The following TIAM1 variants were observed in gnomAD, a reference collection of about 807,000 sequenced individuals.
The protein encoded by TIAM1 is TIAM Rac1 associated GEF 1.
A neutral mutation model predicts 163.5 loss-of-function variants in TIAM1; 65 were observed. The ratio of observed to expected loss-of-function variants is 0.40; its 90% CI spans 0.33 to 0.49. The LOEUF is 0.49. Ranked by LOEUF, TIAM1 falls within the 20% of genes least tolerant of loss-of-function variation. TIAM1 has a pLI of 0.77. For synonymous variants in TIAM1, 833 were observed against 810.1 expected, an observed-to-expected ratio of 1.03 and a Z score of -0.48; for missense variants, 1,789 against 2,044.7, an observed-to-expected ratio of 0.87 and a Z score of 2.41.
chr21:31,245,709 C>T lies in TIAM1; in HGVS notation c.1412-49G>A, dbSNP rs2071467016. On this transcript the variant is annotated intron_variant, in intron 5 of 27. Coordinates refer to ENST00000541036, the MANE Select transcript of TIAM1 (RefSeq NM_001353694.2). ...GCATGAGTATTCAGTGCTTGGGAAA[C>T]AAAAGAACCCACAGTTGAACCTAAC... is the stretch of plus-strand genomic sequence containing the variant. 4.4e-6 allele frequency: 6 copies of T among 1,351,248 alleles called. 1 individual carries two copies. The Admixed American group carries it at 1.8e-4, about 41-fold the overall frequency. The allele number at this position is 1,351,248 out of a possible 1,614,324, so 83.7% of individuals were successfully genotyped here.
chr21:31,298,708 G>A (rs985955133), intron 2 of TIAM1, among the ~76,000 whole-genome samples: 4 of 147,888 alleles, frequency 2.7e-5, no homozygotes, highest in African/African-American at 1.0e-4. Flanking sequence ...TACTCACCAA[G>A]CATGGATCAG....
intron 1 of TIAM1, among the ~76,000 whole-genome samples, chr21:31,558,451 C>T (rs554426981): frequency 6.4e-4 from 97 of 152,264 alleles, no homozygotes; most frequent in African/African-American, 2.3e-3. Flanking sequence ...CGCCGAAAAG[C>T]CAGGCCCGGA....
At chr21:31,197,879 C>G (rs2085959104) in intron 12 of TIAM1, among the ~76,000 whole-genome samples, 1 of 152,158 alleles carries the variant, frequency 6.6e-6, no homozygotes, top group South Asian at 2.1e-4. Context: ...CTCACTGGCT[C>G]TAGAGCCGCA....
At position 31,266,801 on chromosome 21, in the gene TIAM1, A is replaced by G; in HGVS notation, c.172T>C (p.Ser58Pro). 3 of 1,614,186 alleles carry G rather than the reference A, an allele frequency of 1.9e-6. No individual in the cohort carries two copies. Among genetic ancestry groups the G allele is most frequent in the Non-Finnish European group, 2.5e-6 (3 of 1,180,024 alleles). Residue 58 changes from serine to proline, a missense_variant, in exon 4 of 28, where the codon TCC becomes CCC. Physicochemically the swap from Ser to Pro is moderately conservative, Grantham distance 74. Transcript: ENST00000541036. ...IHRNSEVSTR[S>P]SSTPSIPQSL... ...TGGGGGATGCTGGGGGTGCTGCTGG[A>G]TCGGGTGCTCACTTCGGAGTTCCTG...
intron 1 of TIAM1, among the ~76,000 whole-genome samples, chr21:31,493,507 A>C (rs1439822153): frequency 6.6e-6 from 1 of 152,128 alleles, no homozygotes; most frequent in Non-Finnish European, 1.5e-5. Context: ...AAGCAAAGAC[A>C]AAAAAACAGA....
At chr21:31,187,226 A>G in intron 13 of TIAM1, 139 bp from the exon 14 acceptor site, 1 of 751,000 alleles carries the variant, frequency 1.3e-6, no homozygotes, top group Non-Finnish European at 2.2e-6. Flanking sequence ...CTTGTTTTAC[A>G]TAGCAGAAAA....
intron 2 of TIAM1, among the ~76,000 whole-genome samples, chr21:31,322,872 A>T (rs2075362479): frequency 6.6e-6 from 1 of 152,166 alleles, no homozygotes; most frequent in Admixed American, 6.5e-5. Context: ...GGCGGGGCCC[A>T]CTTCATGGTT....
Position 31,210,665 on chromosome 21 carries a change from GAAAAA to G in TIAM1, c.2218-455_2218-451del, listed in dbSNP as rs2086764069. On this transcript the variant is annotated intron_variant, in intron 10 of 27. Coordinates refer to ENST00000541036, the MANE Select transcript of TIAM1 (RefSeq NM_001353694.2). ...AGAAAGAAAGAAAGAAAGAAAGAAA[GAAAAA>G]GAAAGAAAGAAAGAAAAAGAAAGAA... is the stretch of plus-strand genomic sequence containing the variant. 3.7e-3 allele frequency among the ~76,000 whole-genome samples: 69 copies of G among 18,672 alleles called. 2 individuals are homozygous for G. Among genetic ancestry groups the G allele is most frequent in the African/African-American group, 0.013 (60 of 4,568 alleles). 12.2% of individuals were successfully genotyped at this position (18,672 alleles called of 152,430 possible). A position where few individuals can be genotyped will look rare whatever the true frequency, so the allele number is the denominator to read the frequency against.
chr21:31,388,212 AACACACACACACACACAC>A (rs11369323), intron 2 of TIAM1, among the ~76,000 whole-genome samples: 3 of 115,940 alleles, frequency 2.6e-5, no homozygotes, highest in South Asian at 3.0e-4. Flanking sequence ...AGAAGACCCT[AACACACACACACACACAC>A]ACACACACAC....
chr21:31,161,061 G>A, intron 16 of TIAM1, among the ~76,000 whole-genome samples: 1 of 151,824 alleles, frequency 6.6e-6, no homozygotes, highest in South Asian at 2.1e-4. Context: ...GTGTGTGTGT[G>A]TGTGTGTGTG....
rs1391890020 is a variant in TIAM1, at chr21:31,210,104, C to T, written c.2329G>A (p.Ala777Thr). Residue 777 changes from alanine to threonine, a missense_variant, in exon 11 of 28, where the codon GCC becomes ACC. Ala to Thr is a moderately conservative substitution (Grantham distance 58, BLOSUM62 0). Transcript: ENST00000541036. Reference sequence around the variant, plus strand: ...TCGCCTGGCCGGACGACCGTCAGGGCAGGCTGATTATTGGGCAGACAGAAC... The same window carrying T: ...TCGCCTGGCCGGACGACCGTCAGGGTAGGCTGATTATTGGGCAGACAGAAC... ...SWFCLPNNQP[A>T]LTVVRPGDTA... 2 of 1,614,156 alleles carry T rather than the reference C, an allele frequency of 1.2e-6. No homozygotes were observed. The highest frequency in any genetic ancestry group is 1.1e-5 in the South Asian group (1 of 91,074).
intron 4 of TIAM1, among the ~76,000 whole-genome samples, chr21:31,255,473 C>A (rs1336255782): frequency 6.6e-6 from 1 of 152,170 alleles, no homozygotes; most frequent in African/African-American, 2.4e-5. Context: ...CATTGTGTTG[C>A]AAACTTACTT....
chr21:31,226,173 C>T (rs188521795), intron 6 of TIAM1, among the ~76,000 whole-genome samples: 415 of 152,304 alleles, frequency 2.7e-3, no homozygotes, highest in African/African-American at 9.1e-3. Context: ...AAGGGCTGTC[C>T]TGAATGAAGC....
chr21:31,209,904 C>A (rs867684280), intron 11 of TIAM1, 141 bp downstream of exon 11: 2 of 800,542 alleles, frequency 2.5e-6, no homozygotes, highest in Admixed American at 3.0e-5. Flanking sequence ...CAAAGGAATG[C>A]AATGCTGCTC....
At chr21:31,506,944 T>C (rs191199946) in intron 1 of TIAM1, among the ~76,000 whole-genome samples, 1 of 152,174 alleles carries the variant, frequency 6.6e-6, no homozygotes, top group African/African-American at 2.4e-5. Flanking sequence ...ACTCCCTTCT[T>C]AAGGCTAAAT....
At chr21:31,221,527 G>A (rs1421666282) in intron 8 of TIAM1, among the ~76,000 whole-genome samples, 1 of 152,204 alleles carries the variant, frequency 6.6e-6, no homozygotes, top group African/African-American at 2.4e-5. Flanking sequence ...GGAAATTAGA[G>A]GGTCCGAAGA....
At chr21:31,256,818 A>G (rs114853936) in intron 4 of TIAM1, among the ~76,000 whole-genome samples, 2,810 of 152,274 alleles carry the variant, frequency 0.018, 90 homozygotes, top group African/African-American at 0.063. Context: ...ACACTGTGAG[A>G]TTGAGTTAAC....
chr21:31,236,126 A>T (rs1373588627), intron 6 of TIAM1, among the ~76,000 whole-genome samples: 1 of 152,204 alleles, frequency 6.6e-6, no homozygotes, highest in African/African-American at 2.4e-5. Context: ...AGATGCCCGA[A>T]GCTCTTGAAC....
In TIAM1 at chr21:31,268,725, G is replaced by A. The variant is rs114059761; in HGVS notation, c.-11-1742C>T. ...AAGAAGCAAGAAAAAAGATAAAAAC[G>A]AAAAGATCAACGGTCTGTGCACAAC... is the stretch of plus-strand genomic sequence containing the variant. On this transcript the variant is annotated intron_variant, in intron 3 of 27. Coordinates refer to ENST00000541036, the MANE Select transcript of TIAM1 (RefSeq NM_001353694.2). Among the ~76,000 whole-genome samples, 625 of 152,262 alleles carry A rather than the reference G, an allele frequency of 4.1e-3. 5 individuals are homozygous for A. The highest frequency in any genetic ancestry group is 0.014 in the African/African-American group (578 of 41,540).
Sources: allele counts gnomAD v4.1 joint callset (sites outside exome capture counted in the v4.1 genomes callset), GRCh38; gene constraint gnomAD v4.1.1; transcripts MANE v1.5; gene names NCBI Gene and HGNC (gene_info 2026-07-23, HGNC 2026-07-21).